PDE9A: variants seen among roughly 807,000 people sequenced by gnomAD.
The protein encoded by PDE9A is phosphodiesterase 9A.
In PDE9A, 60 loss-of-function variants were observed where a neutral mutation model predicts 87.4. That is an observed-to-expected ratio of 0.69 (90% CI 0.56 to 0.85). The LOEUF is 0.85. Among genes scored for constraint, PDE9A ranks in the 40% least tolerant of loss-of-function variants. PDE9A has a pLI of 0.00. For missense variants in PDE9A, 665 were observed against 779.0 expected, an observed-to-expected ratio of 0.85 and a Z score of 1.74; for synonymous variants, 272 against 279.4, an observed-to-expected ratio of 0.97 and a Z score of 0.27.
chr21:42,760,802 C>G lies in PDE9A; in HGVS notation c.1003-23C>G, dbSNP rs113432649. ...CCCTCCGAGTGAAGAGAGCAAACAC[C>G]TACGCCCTGTTTTCCAATCCAGGAG... On this transcript the variant is annotated intron_variant, in intron 12 of 19. Transcript: ENST00000291539. The surrounding 1 kb of genome is among the most constrained non-coding windows in gnomAD (Gnocchi z 5.2). 1.1e-4 allele frequency: 166 copies of G among 1,451,696 alleles called. 1 individual carries two copies. The African/African-American group carries it at 1.7e-3, about 15-fold the overall frequency. The allele number at this position is 1,451,696 out of a possible 1,614,324, so 89.9% of individuals were successfully genotyped here.
At position 42,751,692 on chromosome 21, in the gene PDE9A, T is replaced by C. The variant is rs531641840; in HGVS notation, c.735+495T>C. ...CAAAAGGAGGGTCTCGAGTTGCCGG[T>C]CACCCGCTCAACGCCTTCAGCTGGG... On this transcript the variant is annotated intron_variant, in intron 9 of 19. Coordinates refer to ENST00000291539, the MANE Select transcript of PDE9A (RefSeq NM_002606.3). Among the ~76,000 whole-genome samples the C allele has an allele frequency of 1.3e-4, 20 of 151,330 alleles. 1 individual carries two copies. The South Asian group carries it at 3.8e-3, about 29-fold the overall frequency.
At position 42,727,772 on chromosome 21, in the gene PDE9A, TTTG is replaced by T. The variant is rs373936927; in HGVS notation, c.263-3986_263-3984del. On this transcript the variant is annotated intron_variant, in intron 4 of 19. Coordinates refer to ENST00000291539, the MANE Select transcript of PDE9A (RefSeq NM_002606.3). ...CTTAGTTCTAGGAGGGTTGTGTTTT[TTTG>T]TTGTTGTTGTTTGTAGATTCATTGG... is the stretch of plus-strand genomic sequence containing the variant. Among the ~76,000 whole-genome samples the T allele has an allele frequency of 4.0e-3, 612 of 152,316 alleles. 2 individuals carry two copies. The highest frequency in any genetic ancestry group is 0.014 in the African/African-American group (579 of 41,554).
chr21:42,662,081 G>A (rs1286790810), intron 1 of PDE9A, among the ~76,000 whole-genome samples: 2 of 152,118 alleles, frequency 1.3e-5, no homozygotes, highest in Non-Finnish European at 2.9e-5. Flanking sequence ...AGATTAAGTG[G>A]GCTAATACGC....
chr21:42,769,906 C>T (rs1394720117), intron 17 of PDE9A, among the ~76,000 whole-genome samples: 17 of 152,334 alleles, frequency 1.1e-4, no homozygotes, highest in African/African-American at 4.1e-4. Context: ...CAGCATCTCC[C>T]ACTCTGTGCT....
intron 8 of PDE9A, 152 bp from the exon 9 acceptor site, chr21:42,750,964 C>T (rs1194412081): frequency 1.0e-5 from 7 of 670,692 alleles, no homozygotes; most frequent in South Asian, 1.7e-5. Flanking sequence ...GATTTTGCTT[C>T]GAGTGAGTTG....
In PDE9A at chr21:42,775,338, C is replaced by G. The variant is rs773704227; in HGVS notation, c.*45C>G. On this transcript the variant is annotated 3_prime_UTR_variant, in exon 20 of 20. Coordinates refer to ENST00000291539, the MANE Select transcript of PDE9A (RefSeq NM_002606.3). Reference sequence around the variant, plus strand: ...TGCAGTTCTGGACGGGCTGGCCGAGCTGCGCGGGATCCTTGTGCAGGGAAG... The same window carrying G: ...TGCAGTTCTGGACGGGCTGGCCGAGGTGCGCGGGATCCTTGTGCAGGGAAG... 1.9e-6 allele frequency: 3 copies of G among 1,598,372 alleles called. No homozygotes were observed. The highest frequency in any genetic ancestry group is 2.7e-5 in the African/African-American group (2 of 73,974).
chr21:42,687,855 A>C, intron 2 of PDE9A, 62 bp from the exon 3 acceptor site: 3 of 1,403,346 alleles, frequency 2.1e-6, no homozygotes, highest in Non-Finnish European at 3.0e-6. Flanking sequence ...CCATGTGTAC[A>C]TTCAAGTGTA....
chr21:42,689,736 C>A, intron 3 of PDE9A: 5 of 985,400 alleles, frequency 5.1e-6, no homozygotes, highest in Non-Finnish European at 6.0e-6. Flanking sequence ...CCCTCCTGAG[C>A]CCAAAGAGCC....
chr21:42,744,509 A>T (rs1320066432), intron 8 of PDE9A, among the ~76,000 whole-genome samples: 1 of 152,172 alleles, frequency 6.6e-6, no homozygotes, highest in Non-Finnish European at 1.5e-5. Context: ...GAGGAAAAGC[A>T]TTAGGGGAGG....
In PDE9A at chr21:42,660,480, A is replaced by C. The variant is rs1483496123; in HGVS notation, c.69+6597A>C. Among the ~76,000 whole-genome samples the C allele has an allele frequency of 6.6e-6, 1 of 152,014 alleles. No individual in the cohort carries two copies. Among genetic ancestry groups the C allele is most frequent in the African/African-American group, 2.4e-5 (1 of 41,376 alleles). ...TTTTTGAGAAGAAAATGTTCTAAGA[A>C]AGTGCACAGGGTGGTGGATGAAAGA... On this transcript the variant is annotated intron_variant, in intron 1 of 19. Transcript: ENST00000291539. This position sits in a 1 kb window ranked among gnomAD's most constrained non-coding sequence, Gnocchi z 4.7.
At chr21:42,701,001 G>A (rs1262805835) in intron 4 of PDE9A, 3 of 152,164 alleles carry the variant, frequency 2.0e-5, no homozygotes, top group Non-Finnish European at 4.4e-5. Flanking sequence ...CAAAAAAACA[G>A]TCTGCTAGGA....
At chr21:42,748,867 G>A (rs569374773) in intron 8 of PDE9A, among the ~76,000 whole-genome samples, 1 of 152,254 alleles carries the variant, frequency 6.6e-6, no homozygotes, top group East Asian at 1.9e-4. Flanking sequence ...CTCGTAGCGT[G>A]GCATTTTTTG....
At position 42,684,914 on chromosome 21, in the gene PDE9A, GA is replaced by G. The variant is rs34043873; in HGVS notation, c.70-1268del. 6.8e-5 allele frequency among the ~76,000 whole-genome samples: 10 copies of G among 146,006 alleles called. No homozygotes were observed. The South Asian group carries it at 1.1e-3, about 16-fold the overall frequency. On this transcript the variant is annotated intron_variant, in intron 1 of 19. Coordinates refer to ENST00000291539, the MANE Select transcript of PDE9A (RefSeq NM_002606.3). ...CCCACAGGAAATGGTGTTAGTCACA[GA>G]AAAAAAAAATCTGTTTTCTATATTT...
At chr21:42,670,178 C>A (rs1569115813) in intron 1 of PDE9A, among the ~76,000 whole-genome samples, 1 of 145,874 alleles carries the variant, frequency 6.9e-6, no homozygotes, top group Admixed American at 6.7e-5. Context: ...CACACGCACA[C>A]ATACACTTAC....
chr21:42,686,128 C>T (rs2059448225), intron 1 of PDE9A, 64 bp from the exon 2 acceptor site: 4 of 1,206,310 alleles, frequency 3.3e-6, no homozygotes, highest in South Asian at 1.2e-5. Flanking sequence ...AAGCACGTGG[C>T]GTCTGACGTC....
chr21:42,752,566 C>T (rs2081300939), intron 9 of PDE9A, among the ~76,000 whole-genome samples: 1 of 152,192 alleles, frequency 6.6e-6, no homozygotes, highest in South Asian at 2.1e-4. Context: ...AGCCCAGCCT[C>T]ATCTGAGATT....
chr21:42,666,927 G>A (rs918421084), intron 1 of PDE9A, among the ~76,000 whole-genome samples: 2 of 152,180 alleles, frequency 1.3e-5, no homozygotes, highest in Non-Finnish European at 1.5e-5. Context: ...AGAGAGCATC[G>A]CAGCCCAAAA....
rs371527971 is a variant in PDE9A, at chr21:42,656,024, G to GGTT, written c.69+2143_69+2145dup. On this transcript the variant is annotated intron_variant, in intron 1 of 19. Transcript: ENST00000291539. ...ACACCCAGCAGTGCTGTCACGGATG[G>GGTT]GTTGCACCGGGCTCAGCTGAGAGCA... 1.7e-3 allele frequency among the ~76,000 whole-genome samples: 263 copies of GGTT among 152,348 alleles called. 1 individual carries two copies. Among genetic ancestry groups the GGTT allele is most frequent in the African/African-American group, 6.2e-3 (256 of 41,572 alleles).
rs546807345 is a variant in PDE9A at position 42,670,384 on chromosome 21, ATT to A, written c.70-15806_70-15805del. Among the ~76,000 whole-genome samples, 539 of 112,342 alleles carry A rather than the reference ATT, an allele frequency of 4.8e-3. 5 individuals carry two copies. The highest frequency in any genetic ancestry group is 0.029 in the African/African-American group (511 of 17,660). 73.7% of individuals were successfully genotyped at this position (112,342 alleles called of 152,430 possible). A position where few individuals can be genotyped will look rare whatever the true frequency, so the allele number is the denominator to read the frequency against. ...CACACACACATTCACACACATTCACATTTACATTCACAAACATTCACACATAC... is the reference window on the plus strand; with the variant it reads ...CACACACACATTCACACACATTCACATACATTCACAAACATTCACACATAC... On this transcript the variant is annotated intron_variant, in intron 1 of 19. Coordinates refer to ENST00000291539, the MANE Select transcript of PDE9A (RefSeq NM_002606.3).
Sources: gnomAD v4.1 joint callset for allele counts (sites outside exome capture counted in the v4.1 genomes callset) on GRCh38, gnomAD v4.1.1 for gene constraint, Gnocchi (gnomAD v3.1) non-coding constraint, MANE v1.5 for transcripts, NCBI Gene and HGNC (gene_info 2026-07-23, HGNC 2026-07-21) for gene names.